The following EBF2 variants were observed in gnomAD, a reference collection of about 807,000 sequenced individuals.
EBF2 encodes the protein transcription factor COE2.
Under a neutral mutation model 72.8 loss-of-function variants are expected in EBF2, and 21 were observed. That is an observed-to-expected ratio of 0.29 (90% CI 0.20 to 0.42). The LOEUF is 0.42. Ranked by LOEUF, EBF2 falls within the 10% of genes least tolerant of loss-of-function variation. EBF2 has a pLI of 1.00. For missense variants in EBF2, 637 were observed against 731.2 expected, an observed-to-expected ratio of 0.87 and a Z score of 1.49; for synonymous variants, 299 against 274.2, an observed-to-expected ratio of 1.09 and a Z score of -0.89.
At chr8:25,867,466 C>A (rs1269904278) in intron 10 of EBF2, among the ~76,000 whole-genome samples, 1 of 152,210 alleles carries the variant, frequency 6.6e-6, no homozygotes, top group African/African-American at 2.4e-5. Flanking sequence ...ACCCTCCCAC[C>A]CACTGGCTTC....
chr8:25,847,562 A>T (rs1164246172), intron 15 of EBF2, among the ~76,000 whole-genome samples: 3 of 152,176 alleles, frequency 2.0e-5, no homozygotes, highest in African/African-American at 7.2e-5. Context: ...TGTAGGAAAT[A>T]TCTGTTACCT....
intron 7 of EBF2, among the ~76,000 whole-genome samples, chr8:25,898,171 G>A (rs912269109): frequency 1.2e-4 from 18 of 152,132 alleles, no homozygotes. Flanking sequence ...GTGTACTCTA[G>A]GGGCCCAACG....
At chr8:25,928,344 C>T (rs1803420186) in intron 6 of EBF2, among the ~76,000 whole-genome samples, 1 of 152,130 alleles carries the variant, frequency 6.6e-6, no homozygotes, top group Non-Finnish European at 1.5e-5. Context: ...CTGCAAGAGA[C>T]AGCAAGAGAA....
chr8:26,023,043 C>A (rs1805229987), intron 6 of EBF2, among the ~76,000 whole-genome samples: 1 of 152,168 alleles, frequency 6.6e-6, no homozygotes, highest in Non-Finnish European at 1.5e-5. Context: ...CTGTGGATAA[C>A]TTCCTTCTCT....
chr8:25,847,003 C>T (rs1187623810), intron 15 of EBF2, among the ~76,000 whole-genome samples: 4 of 152,050 alleles, frequency 2.6e-5, no homozygotes, highest in Admixed American at 1.3e-4. Context: ...TCTCATTGTC[C>T]CTGAAGACAC....
At chr8:25,888,430 A>G (rs1482361663) in intron 8 of EBF2, among the ~76,000 whole-genome samples, 1 of 152,184 alleles carries the variant, frequency 6.6e-6, no homozygotes, top group Admixed American at 6.5e-5. Context: ...CACTTAGGTA[A>G]TTGTGCAAAG....
chr8:25,977,261 C>T (rs540225805), intron 6 of EBF2, among the ~76,000 whole-genome samples: 19 of 152,166 alleles, frequency 1.2e-4, no homozygotes, highest in Non-Finnish European at 2.2e-4. Flanking sequence ...ACATCGCATG[C>T]TCCCAGCGGG....
At chr8:26,032,944 G>C (rs1805433365) in intron 6 of EBF2, 141 bp downstream of exon 6, 1 of 700,400 alleles carries the variant, frequency 1.4e-6, no homozygotes, top group East Asian at 2.6e-5. Flanking sequence ...CCAGCATGAG[G>C]AGGCCTTTGT....
chr8:25,977,294 T>A (rs530308642), intron 6 of EBF2, among the ~76,000 whole-genome samples: 1 of 152,218 alleles, frequency 6.6e-6, no homozygotes, highest in African/African-American at 2.4e-5. Context: ...CCACAGTTTA[T>A]CTCATTTAAT....
chr8:25,890,647 A>G (rs945094334), intron 7 of EBF2, among the ~76,000 whole-genome samples: 4 of 152,200 alleles, frequency 2.6e-5, no homozygotes, highest in Admixed American at 2.6e-4. Context: ...AATGAGGTAT[A>G]ATGAGATATA....
At chr8:26,022,818 G>A (rs756305517) in intron 6 of EBF2, among the ~76,000 whole-genome samples, 9 of 152,172 alleles carry the variant, frequency 5.9e-5, no homozygotes, top group Non-Finnish European at 1.2e-4. Context: ...CTGATGAAAT[G>A]CTGACTCCTT....
chr8:25,909,138 T>C (rs1476700976), intron 6 of EBF2, among the ~76,000 whole-genome samples: 1 of 152,194 alleles, frequency 6.6e-6, no homozygotes, highest in African/African-American at 2.4e-5. Flanking sequence ...ATCCTCTCAG[T>C]TCATGTATAG....
At chr8:25,888,105 T>C (rs550799455) in intron 8 of EBF2, 133 bp from the exon 9 acceptor site, 12 of 999,164 alleles carry the variant, frequency 1.2e-5, no homozygotes, top group Non-Finnish European at 1.7e-5. Flanking sequence ...CGATAACTGA[T>C]GAGCTAACAA....
At chr8:25,935,242 G>A (rs1312095086) in intron 6 of EBF2, among the ~76,000 whole-genome samples, 2 of 152,104 alleles carry the variant, frequency 1.3e-5, no homozygotes, top group East Asian at 3.9e-4. Context: ...TAAGGATGGA[G>A]AGGGAGGTGG....
At chr8:25,860,883 T>G (rs1170498095) in intron 13 of EBF2, among the ~76,000 whole-genome samples, 166 bp downstream of exon 13, 1 of 152,172 alleles carries the variant, frequency 6.6e-6, no homozygotes, top group East Asian at 1.9e-4. Flanking sequence ...GCTCAAACTC[T>G]AATAAAGTAC....
chr8:25,919,291 G>C (rs1188232569), intron 6 of EBF2, among the ~76,000 whole-genome samples: 1 of 152,150 alleles, frequency 6.6e-6, no homozygotes, highest in Non-Finnish European at 1.5e-5. Flanking sequence ...GGAAGGGCAA[G>C]GGAAGCTTAG....
At chr8:26,041,108 G>A in intron 2 of EBF2, 106 bp from the exon 3 acceptor site, 2 of 1,295,238 alleles carry the variant, frequency 1.5e-6, no homozygotes, top group South Asian at 1.3e-5. Context: ...CCATCAAAAG[G>A]CAGCTTTGAG....
At chr8:26,038,167 C>T (rs1805535531) in intron 5 of EBF2, among the ~76,000 whole-genome samples, 1 of 152,220 alleles carries the variant, frequency 6.6e-6, no homozygotes, top group Non-Finnish European at 1.5e-5. Flanking sequence ...CCCATCTCAT[C>T]TGCACACATG....
intron 6 of EBF2, among the ~76,000 whole-genome samples, chr8:26,010,359 G>T (rs1804957965): frequency 6.6e-6 from 1 of 152,192 alleles, no homozygotes; most frequent in Non-Finnish European, 1.5e-5. Context: ...GGCCCATCAG[G>T]GCGAACCACT....
Sources: gnomAD v4.1 joint callset for allele counts (sites outside exome capture counted in the v4.1 genomes callset) on GRCh38, gnomAD v4.1.1 for gene constraint, MANE v1.5 for transcripts, NCBI Gene and HGNC (gene_info 2026-07-23, HGNC 2026-07-21) for gene names.